Variants in SPOCK1 observed in about 807,000 individuals in gnomAD.
The protein encoded by SPOCK1 is testican-1.
A neutral mutation model predicts 55.3 loss-of-function variants in SPOCK1; 23 were observed. The observed-to-expected ratio is 0.42, with a 90% CI of 0.30 to 0.59. The LOEUF is 0.59. SPOCK1 is among the 20% of genes least tolerant of loss of function. The pLI is 0.22. For synonymous variants in SPOCK1, 226 were observed against 221.0 expected, an observed-to-expected ratio of 1.02 and a Z score of -0.20; for missense variants, 499 against 552.5, an observed-to-expected ratio of 0.90 and a Z score of 0.97.
chr5:136,999,324 G>T (rs1287554613), intron 6 of SPOCK1, among the ~76,000 whole-genome samples: 1 of 152,092 alleles, frequency 6.6e-6, no homozygotes, highest in Non-Finnish European at 1.5e-5. Flanking sequence ...GGAAAGAAGG[G>T]TTGCTTCTTA....
intron 3 of SPOCK1, 71 bp from the exon 4 acceptor site, chr5:137,140,765 T>C: frequency 9.0e-7 from 1 of 1,111,322 alleles, no homozygotes; most frequent in Non-Finnish European, 1.2e-6. Flanking sequence ...TTTTTTTTTT[T>C]TTTTTTTTGT....
chr5:137,417,415 C>T (rs934919503), intron 2 of SPOCK1, among the ~76,000 whole-genome samples: 9 of 144,236 alleles, frequency 6.2e-5, no homozygotes, highest in Non-Finnish European at 1.1e-4. Flanking sequence ...TTTTAAGTTA[C>T]AGAAGATGAC....
chr5:136,986,132 T>G (rs1750836621), intron 8 of SPOCK1, among the ~76,000 whole-genome samples: 1 of 152,170 alleles, frequency 6.6e-6, no homozygotes, highest in Non-Finnish European at 1.5e-5. Context: ...TACATTTTGT[T>G]GACTTCTTGT....
chr5:137,117,521 G>A (rs1753610892), intron 4 of SPOCK1, among the ~76,000 whole-genome samples: 2 of 152,064 alleles, frequency 1.3e-5, no homozygotes, highest in African/African-American at 4.8e-5. Flanking sequence ...TTGTGCTTCT[G>A]GTACTTAGAA....
At chr5:137,487,761 C>T (rs1219816546) in intron 2 of SPOCK1, among the ~76,000 whole-genome samples, 1 of 152,170 alleles carries the variant, frequency 6.6e-6, no homozygotes, top group Non-Finnish European at 1.5e-5. Context: ...TGTGTGCAAG[C>T]ATCCCTGGGC....
intron 5 of SPOCK1, among the ~76,000 whole-genome samples, chr5:137,107,186 T>C (rs997483026): frequency 6.6e-6 from 1 of 152,232 alleles, no homozygotes; most frequent in Admixed American, 6.5e-5. Context: ...TCCTTGTAAG[T>C]TCCATGAAAA....
intron 4 of SPOCK1, 83 bp from the exon 5 acceptor site, chr5:137,112,644 CAAAT>C (rs34109254): frequency 0.18 from 278,860 of 1,517,406 alleles, 28,842 homozygotes; most frequent in East Asian, 0.41. Flanking sequence ...AATAAAAGGC[CAAAT>C]AAATAAAGGA....
intron 2 of SPOCK1, among the ~76,000 whole-genome samples, chr5:137,283,088 G>A (rs372426733): frequency 2.2e-4 from 34 of 152,190 alleles, no homozygotes; most frequent in Non-Finnish European, 4.1e-4. Context: ...TCAGTTCCTC[G>A]TGTTAAATCT....
At chr5:137,382,634 G>T (rs945355481) in intron 2 of SPOCK1, among the ~76,000 whole-genome samples, 13 of 152,240 alleles carry the variant, frequency 8.5e-5, no homozygotes, top group African/African-American at 3.1e-4. Context: ...ACAGAGTAAG[G>T]GGGGAAGTGC....
chr5:137,213,239 A>T (rs1238943593), intron 3 of SPOCK1, among the ~76,000 whole-genome samples: 1 of 152,148 alleles, frequency 6.6e-6, no homozygotes, highest in East Asian at 1.9e-4. Flanking sequence ...TGTTCATTAC[A>T]ACTATCCCCA....
chr5:137,347,808 TC>T (rs1750591965), intron 2 of SPOCK1, among the ~76,000 whole-genome samples: 2 of 152,272 alleles, frequency 1.3e-5, no homozygotes, highest in South Asian at 2.1e-4. Context: ...GAGCCACGCC[TC>T]CTCTGGCACA....
chr5:137,054,598 G>T (rs762343610), intron 6 of SPOCK1, among the ~76,000 whole-genome samples: 5 of 152,190 alleles, frequency 3.3e-5, no homozygotes, highest in African/African-American at 1.2e-4. Context: ...AGTCAGTGTG[G>T]TTATCACAGA....
chr5:136,978,670 ACCT>A lies in SPOCK1; in HGVS notation c.1301_1303del (p.Glu434del). On this transcript the variant is annotated inframe_deletion, in exon 11 of 11. Transcript: ENST00000394945. ...TTGTGGGCACTACCATATGTACCCG[ACCT>A]CATCCTCTTTGTCATCATCCTCATC... 1.9e-6 allele frequency: 3 copies of A among 1,610,084 alleles called. No individual in the cohort carries two copies. The highest frequency in any genetic ancestry group is 2.5e-6 in the Non-Finnish European group (3 of 1,178,588).
intron 2 of SPOCK1, among the ~76,000 whole-genome samples, chr5:137,420,141 G>T (rs1310369818): frequency 1.3e-5 from 2 of 152,244 alleles, no homozygotes; most frequent in Non-Finnish European, 2.9e-5. Context: ...TCCCAGGGAT[G>T]AAGCCCACTT....
At chr5:137,192,974 G>T (rs182213591) in intron 3 of SPOCK1, among the ~76,000 whole-genome samples, 1 of 152,310 alleles carries the variant, frequency 6.6e-6, no homozygotes, top group Admixed American at 6.5e-5. Flanking sequence ...AGATATACTA[G>T]GGTCCTCACT....
At chr5:137,335,392 T>G (rs758091783) in intron 2 of SPOCK1, among the ~76,000 whole-genome samples, 1 of 152,204 alleles carries the variant, frequency 6.6e-6, no homozygotes, top group Non-Finnish European at 1.5e-5. Flanking sequence ...TAATTGTTCT[T>G]TATGTAGTGG....
Position 136,978,656 on chromosome 5 carries a change from A to T in SPOCK1, c.1318T>A (p.Ter440LysextTer24). 1 of 1,602,412 alleles carries T rather than the reference A, an allele frequency of 6.2e-7. No homozygotes were observed. Among genetic ancestry groups the T allele is most frequent in the Non-Finnish European group, 8.5e-7 (1 of 1,175,714 alleles). The change falls in exon 11 of 11, where the codon TAG becomes AAG. Residue 440 changes from the stop codon to lysine, a stop_lost. Transcript: ENST00000394945. ...DKEDEVGYIW[*>K] ...TTGTGTCCTCTTTCTTGTGGGCACT[A>T]CCATATGTACCCGACCTCATCCTCT...
intron 2 of SPOCK1, among the ~76,000 whole-genome samples, chr5:137,492,518 T>C (rs1754206562): frequency 1.3e-5 from 2 of 152,244 alleles, no homozygotes; most frequent in Non-Finnish European, 2.9e-5. Context: ...TTTTTAGTTA[T>C]ACAAGCGAGT....
At chr5:137,220,788 A>G (rs575641645) in intron 3 of SPOCK1, among the ~76,000 whole-genome samples, 1 of 152,330 alleles carries the variant, frequency 6.6e-6, no homozygotes, top group Non-Finnish European at 1.5e-5. Context: ...GAGTGAGTGA[A>G]TAAGTGAAGG....
Sources: allele counts gnomAD v4.1 joint callset (sites outside exome capture counted in the v4.1 genomes callset), GRCh38; gene constraint gnomAD v4.1.1; transcripts MANE v1.5; gene names NCBI Gene and HGNC (gene_info 2026-07-23, HGNC 2026-07-21).